EIF4E2: variants seen among roughly 807,000 people sequenced by gnomAD.
EIF4E2 encodes the protein eukaryotic translation initiation factor 4E type 2.
In EIF4E2, 13 loss-of-function variants were observed where a neutral mutation model predicts 34.2. The ratio of observed to expected loss-of-function variants is 0.38; its 90% confidence interval spans 0.25 to 0.60. The LOEUF is 0.60. EIF4E2 is among the 20% of genes least tolerant of loss of function. The pLI, the probability that EIF4E2 is intolerant of heterozygous loss-of-function variation, is 0.62. For synonymous variants in EIF4E2, 100 were observed against 106.6 expected (o/e 0.94, Z 0.38); for missense variants, 222 against 315.1 (o/e 0.70, Z 2.24).
chr2:232,550,748 AGTG>A lies in EIF4E2; in HGVS notation c.20+6_20+8del. The A allele has an allele frequency of 6.4e-7, 1 of 1,574,050 alleles. No homozygotes were observed. The highest frequency in any genetic ancestry group is 1.2e-5 in the South Asian group (1 of 86,284). Reference sequence around the variant, plus strand: ...GGATGAACAACAAGTTCGACGCGTGAGTGGCTCGTGGCCGCCCCCGGGGCCCCT... The same window carrying A: ...GGATGAACAACAAGTTCGACGCGTGAGCTCGTGGCCGCCCCCGGGGCCCCT... On this transcript the variant is annotated splice_donor_5th_base_variant and intron_variant, in intron 1 of 6. Coordinates refer to ENST00000258416, the MANE Select transcript of EIF4E2 (RefSeq NM_004846.4).
intron 1 of EIF4E2, among the ~76,000 whole-genome samples, chr2:232,555,510 A>G (rs1455676675): frequency 2.0e-5 from 3 of 152,206 alleles, no homozygotes; most frequent in Non-Finnish European, 4.4e-5. Flanking sequence ...GAACACATTT[A>G]TTCTTTCTTT....
At chr2:232,559,445 T>TA (rs751326304) in intron 3 of EIF4E2, among the ~76,000 whole-genome samples, 32 of 122,624 alleles carry the variant, frequency 2.6e-4, no homozygotes, top group Non-Finnish European at 3.6e-4. Flanking sequence ...TTGAAAAAAA[T>TA]AAAAAAATAA....
downstream of EIF4E2, chr2:232,573,910 G>A (rs1179718536): frequency 9.1e-6 from 4 of 438,556 alleles, no homozygotes; most frequent in Non-Finnish European, 1.3e-5. Context: ...AAAGTACAGG[G>A]AGTGCCACTG....
At chr2:232,567,286 G>A (rs2106249001) in intron 6 of EIF4E2, 72 bp downstream of exon 6, 1 of 1,596,522 alleles carries the variant, frequency 6.3e-7, no homozygotes, top group East Asian at 2.2e-5. Context: ...TGGGCCCAGA[G>A]GAATATGGCC....
At chr2:232,564,400 T>C in intron 4 of EIF4E2, 49 bp downstream of exon 4, 1 of 1,212,170 alleles carries the variant, frequency 8.2e-7, no homozygotes, top group Non-Finnish European at 1.2e-6. Context: ...TTTGGGTTTT[T>C]TTGTTTTGTC....
At chr2:232,563,797 A>C (rs900614791) in intron 3 of EIF4E2, among the ~76,000 whole-genome samples, 1 of 152,108 alleles carries the variant, frequency 6.6e-6, no homozygotes, top group Non-Finnish European at 1.5e-5. Context: ...CCAGTTAAAC[A>C]ATCTTTCATC....
In EIF4E2 at chr2:232,581,326, A is replaced by C. The variant is rs1367931885; in HGVS notation, c.*383A>C. On this transcript the variant is annotated 3_prime_UTR_variant, in exon 7 of 7. Transcript: ENST00000409098. The surrounding 1 kb of genome is among the most constrained non-coding windows in gnomAD (Gnocchi z 5.2). ...AGAGCTGTTGATGAGAGTTACCAGT[A>C]TTATGAATGTCTGTGCATCCAGGAA... 1 of 367,050 alleles carries C rather than the reference A, an allele frequency of 2.7e-6. No individual in the cohort carries two copies. The highest frequency in any genetic ancestry group is 5.3e-6 in the Non-Finnish European group (1 of 189,754). 22.7% of individuals were successfully genotyped at this position (367,050 alleles called of 1,614,324 possible).
At chr2:232,559,303 T>C (rs1299089458) in intron 3 of EIF4E2, among the ~76,000 whole-genome samples, 2 of 151,900 alleles carry the variant, frequency 1.3e-5, no homozygotes. Context: ...GTTGGTTCTT[T>C]ATTAGTACTC....
In EIF4E2 at chr2:232,566,191, T is replaced by G. The variant is rs1349195999; in HGVS notation, c.376-638T>G. Reference sequence around the variant, plus strand: ...TTTTTGTCGTCGTTGTTGTTTTGTTTTGTTTTGTTTTTTGAGACGGAGTCT... The same window carrying G: ...TTTTTGTCGTCGTTGTTGTTTTGTTGTGTTTTGTTTTTTGAGACGGAGTCT... On this transcript the variant is annotated intron_variant, in intron 4 of 6. Transcript: ENST00000258416. This position sits in a 1 kb window ranked among gnomAD's most constrained non-coding sequence, Gnocchi z 4.9. Among the ~76,000 whole-genome samples the G allele has an allele frequency of 6.6e-6, 1 of 152,164 alleles. No individual in the cohort carries two copies. Among genetic ancestry groups the G allele is most frequent in the Non-Finnish European group, 1.5e-5 (1 of 68,026 alleles).
At chr2:232,555,240 A>G (rs1388631213) in intron 1 of EIF4E2, among the ~76,000 whole-genome samples, 1 of 152,236 alleles carries the variant, frequency 6.6e-6, no homozygotes, top group Non-Finnish European at 1.5e-5. Context: ...TTCTAGTACC[A>G]TTCTTGAGAA....
chr2:232,557,944 A>G lies in EIF4E2; in HGVS notation c.196A>G (p.Arg66Gly). 1.2e-6 allele frequency: 2 copies of G among 1,614,176 alleles called. No individual in the cohort carries two copies. The highest frequency in any genetic ancestry group is 8.5e-7 in the Non-Finnish European group (1 of 1,180,022). The change falls in exon 3 of 7, where the codon AGG becomes GGG. Residue 66 changes from arginine to glycine, a missense_variant. Around this residue, in one of 3 missense-constraint regions of EIF4E2, gnomAD observed 87 missense variants for 93.6 expected, o/e 0.93. Coordinates refer to ENST00000258416, the MANE Select transcript of EIF4E2 (RefSeq NM_004846.4). ...LQYNYTFWYS[R>G]RTPGRPTSSQ... ...GTACAACTACACTTTTTGGTACTCC[A>G]GGAGAACCCCCGGCCGTCCCACGAG... is the stretch of plus-strand genomic sequence containing the variant.
At chr2:232,554,466 G>C (rs576463051) in intron 1 of EIF4E2, among the ~76,000 whole-genome samples, 1 of 152,294 alleles carries the variant, frequency 6.6e-6, no homozygotes, top group African/African-American at 2.4e-5. Flanking sequence ...CCTCAGCTAG[G>C]TTCTTGGGGA....
intron 1 of EIF4E2, chr2:232,551,041 T>C (rs1408832917): frequency 1.3e-5 from 8 of 613,378 alleles, no homozygotes; most frequent in African/African-American, 1.8e-5. Context: ...GGATGCGGAT[T>C]GCCTGCGACG....
chr2:232,579,832 CAA>C (rs1353110660), intron 6 of EIF4E2, among the ~76,000 whole-genome samples: 1 of 151,990 alleles, frequency 6.6e-6, no homozygotes, highest in East Asian at 1.9e-4. Context: ...CCTTTAAAAT[CAA>C]AGAGAAATAA....
At position 232,581,317 on chromosome 2, in the gene EIF4E2, G is replaced by A. The variant is rs1170333194; in HGVS notation, c.*374G>A. The A allele has an allele frequency of 5.3e-6, 2 of 377,812 alleles. No individual in the cohort carries two copies. Among genetic ancestry groups the A allele is most frequent in the Non-Finnish European group, 1.0e-5 (2 of 195,938 alleles). 23.4% of individuals were successfully genotyped at this position (377,812 alleles called of 1,614,324 possible). On this transcript the variant is annotated 3_prime_UTR_variant, in exon 7 of 7. Coordinates refer to the EIF4E2 transcript ENST00000409098. The surrounding 1 kb of genome is among the most constrained non-coding windows in gnomAD (Gnocchi z 5.2). ...GTACATGCCAGAGCTGTTGATGAGA[G>A]TTACCAGTATTATGAATGTCTGTGC... is the stretch of plus-strand genomic sequence containing the variant.
In EIF4E2 at chr2:232,550,701, A is replaced by C. The variant is rs752788116; in HGVS notation, c.-24A>C. ...TGGAGCGGAAGTCACTCCCTGAGGC[A>C]GTGGCGACAGCGGCGGCGAGAGGAT... On this transcript the variant is annotated 5_prime_UTR_variant, in exon 1 of 7. Coordinates refer to ENST00000258416, the MANE Select transcript of EIF4E2 (RefSeq NM_004846.4). 3 of 1,584,354 alleles carry C rather than the reference A, an allele frequency of 1.9e-6. No individual in the cohort carries two copies. The highest frequency in any genetic ancestry group is 2.6e-6 in the Non-Finnish European group (3 of 1,166,968).
chr2:232,561,340 A>G lies in EIF4E2; in HGVS notation c.271-2907A>G, dbSNP rs188610999. Reference sequence around the variant, plus strand: ...TTTCCCTCTTGTGAAAAAAAAAAGCATATAAGAATTTACCCAAATTGTACG... The same window carrying G: ...TTTCCCTCTTGTGAAAAAAAAAAGCGTATAAGAATTTACCCAAATTGTACG... On this transcript the variant is annotated intron_variant, in intron 3 of 6. Coordinates refer to ENST00000258416, the MANE Select transcript of EIF4E2 (RefSeq NM_004846.4). Among the ~76,000 whole-genome samples, 10 of 152,228 alleles carry G rather than the reference A, an allele frequency of 6.6e-5. No individual in the cohort carries two copies. In the East Asian group the frequency reaches 9.6e-4, roughly 15 times the overall value.
At chr2:232,575,534 G>A (rs1271902985) in intron 6 of EIF4E2, among the ~76,000 whole-genome samples, 1 of 152,200 alleles carries the variant, frequency 6.6e-6, no homozygotes, top group Non-Finnish European at 1.5e-5. Context: ...GCTGTGGTGG[G>A]AGGATCACTT....
intron 1 of EIF4E2, among the ~76,000 whole-genome samples, chr2:232,551,955 A>G (rs1344677002): frequency 6.6e-6 from 1 of 152,056 alleles, no homozygotes; most frequent in African/African-American, 2.4e-5. Context: ...CTGTCCCTCT[A>G]CGAACCTCTC....
Sources: allele counts gnomAD v4.1 joint callset (sites outside exome capture counted in the v4.1 genomes callset), GRCh38; gene constraint gnomAD v4.1.1; regional missense constraint gnomAD v4.1.1; non-coding constraint Gnocchi (gnomAD v3.1); transcripts MANE v1.5; gene names NCBI Gene and HGNC (gene_info 2026-07-23, HGNC 2026-07-21).